Variants in SNX31 observed in about 807,000 individuals in gnomAD.
SNX31 encodes sorting nexin-31.
In SNX31, 58 loss-of-function variants were observed where a neutral mutation model predicts 65.4. That is an observed-to-expected ratio of 0.89 (90% confidence interval 0.72 to 1.10). SNX31 has a LOEUF of 1.10. SNX31 is among the 50% of genes least tolerant of loss of function. The pLI, the probability that SNX31 is intolerant of heterozygous loss-of-function variation, is 0.00. For synonymous variants in SNX31, 181 were observed against 190.1 expected (o/e 0.95, Z 0.39); for missense variants, 523 against 529.7 (o/e 0.99, Z 0.12).
At chr8:100,644,515 AG>A (rs1041136916) in intron 2 of SNX31, among the ~76,000 whole-genome samples, 7 of 152,212 alleles carry the variant, frequency 4.6e-5, no homozygotes, top group Admixed American at 3.9e-4. Flanking sequence ...CAGGAAGATG[AG>A]CAGCACTGAG....
chr8:100,639,376 G>T (rs903812418), intron 2 of SNX31, among the ~76,000 whole-genome samples: 1 of 152,168 alleles, frequency 6.6e-6, no homozygotes. Context: ...TAAAGGCAAA[G>T]AAACTAACTG....
intron 4 of SNX31, among the ~76,000 whole-genome samples, chr8:100,628,567 A>G (rs1330107471): frequency 6.6e-6 from 1 of 151,152 alleles, no homozygotes; most frequent in African/African-American, 2.4e-5. Flanking sequence ...AGGAAGGGGA[A>G]CATCACACAC....
In SNX31 at chr8:100,581,986, T is replaced by C. The variant is rs180759693; in HGVS notation, c.1170+2125A>G. Among the ~76,000 whole-genome samples the C allele has an allele frequency of 3.4e-3, 518 of 152,284 alleles. 3 individuals carry two copies. The highest frequency in any genetic ancestry group is 0.012 in the African/African-American group (497 of 41,554). On this transcript the variant is annotated intron_variant, in intron 12 of 13. Coordinates refer to ENST00000311812, the MANE Select transcript of SNX31 (RefSeq NM_152628.4). ...TACAAAATCCTCTTGGAAACCCAAT[T>C]TTCAAAATGAAAGGTCTGAACTTTT... is the stretch of plus-strand genomic sequence containing the variant.
intron 3 of SNX31, among the ~76,000 whole-genome samples, chr8:100,631,223 C>G (rs1818391135): frequency 1.3e-5 from 2 of 152,054 alleles, no homozygotes; most frequent in Non-Finnish European, 2.9e-5. Context: ...TTTAAAGCTC[C>G]TGACACAAAT....
chr8:100,575,051 A>G lies in SNX31; in HGVS notation c.1228-1091T>C, dbSNP rs2130749713. Among the ~76,000 whole-genome samples, 1 of 152,340 alleles carries G rather than the reference A, an allele frequency of 6.6e-6. No homozygotes were observed. Among genetic ancestry groups the G allele is most frequent in the African/African-American group, 2.4e-5 (1 of 41,586 alleles). On this transcript the variant is annotated intron_variant, in intron 13 of 13. Coordinates refer to ENST00000311812, the MANE Select transcript of SNX31 (RefSeq NM_152628.4). The surrounding 1 kb of genome is among the most constrained non-coding windows in gnomAD (Gnocchi z 5.1). ...TGAAATCTCAAAGACACGGTTATGG[A>G]AAGTGGAAAGTGAAAAAAAAAATGT...
At chr8:100,638,210 C>CA (rs1334314044) in intron 2 of SNX31, among the ~76,000 whole-genome samples, 1 of 152,194 alleles carries the variant, frequency 6.6e-6, no homozygotes, top group African/African-American at 2.4e-5. Context: ...AAATCATCCT[C>CA]AACTTCTCAT....
chr8:100,623,336 T>C (rs781636910), intron 4 of SNX31, among the ~76,000 whole-genome samples: 1 of 152,194 alleles, frequency 6.6e-6, no homozygotes, highest in African/African-American at 2.4e-5. Flanking sequence ...AAACCTCCCA[T>C]GATCCAATCA....
intron 3 of SNX31, among the ~76,000 whole-genome samples, chr8:100,631,761 C>A (rs1411808685): frequency 6.6e-6 from 1 of 152,144 alleles, no homozygotes; most frequent in African/African-American, 2.4e-5. Flanking sequence ...AGCATTCTGT[C>A]TTTTCTGAGG....
chr8:100,609,136 AC>A lies in SNX31; in HGVS notation c.612-574del, dbSNP rs1286099613. 1.7e-4 allele frequency among the ~76,000 whole-genome samples: 26 copies of A among 151,908 alleles called. No homozygotes were observed. In the South Asian group the frequency reaches 5.4e-3, roughly 32 times the overall value. On this transcript the variant is annotated intron_variant, in intron 7 of 13. Coordinates refer to ENST00000311812, the MANE Select transcript of SNX31 (RefSeq NM_152628.4). The surrounding 1 kb of genome is among the most constrained non-coding windows in gnomAD (Gnocchi z 4.9). ...CACTTTCAAGGCCCTTCCGGGGACC[AC>A]CCCCACTTTCATTTCCAGTTCCATC... is the stretch of plus-strand genomic sequence containing the variant.
At chr8:100,655,756 C>A (rs560324913) in intron 1 of SNX31, among the ~76,000 whole-genome samples, 2 of 152,100 alleles carry the variant, frequency 1.3e-5, no homozygotes, top group African/African-American at 4.8e-5. Context: ...GGGAGGCAGC[C>A]TGATCTTTTG....
Position 100,599,448 on chromosome 8 carries a change from CT to C in SNX31, c.774+900del, listed in dbSNP as rs568047251. 7.0e-3 allele frequency among the ~76,000 whole-genome samples: 986 copies of C among 141,192 alleles called. 1 individual carries two copies. The highest frequency in any genetic ancestry group is 0.013 in the African/African-American group (516 of 38,708). 92.6% of individuals were successfully genotyped at this position (141,192 alleles called of 152,430 possible). A position where few individuals can be genotyped will look rare whatever the true frequency, so the allele number is the denominator to read the frequency against. ...TACAAACACACAGAGAAACTGAACT[CT>C]TTTTTTTTTTTTTGTGACAAAGCTG... On this transcript the variant is annotated intron_variant, in intron 9 of 13. Coordinates refer to ENST00000311812, the MANE Select transcript of SNX31 (RefSeq NM_152628.4).
intron 12 of SNX31, among the ~76,000 whole-genome samples, chr8:100,580,833 G>A (rs1184092552): frequency 1.3e-5 from 2 of 152,104 alleles, no homozygotes; most frequent in Non-Finnish European, 2.9e-5. Flanking sequence ...ATTACATGCA[G>A]CAAAACCTAA....
Position 100,630,285 on chromosome 8 carries a change from C to T in SNX31, c.321+42G>A, listed in dbSNP as rs769988767. ...GCACACTTGGTTCATGAAGAGTGTCCTGCAGAGGAATGATGGCCCCATTAA... is the reference window on the plus strand; with the variant it reads ...GCACACTTGGTTCATGAAGAGTGTCTTGCAGAGGAATGATGGCCCCATTAA... On this transcript the variant is annotated intron_variant, in intron 4 of 13. Coordinates refer to ENST00000311812, the MANE Select transcript of SNX31 (RefSeq NM_152628.4). This position sits in a 1 kb window ranked among gnomAD's most constrained non-coding sequence, Gnocchi z 5.3. 6 of 1,593,816 alleles carry T rather than the reference C, an allele frequency of 3.8e-6. No homozygotes were observed. Among genetic ancestry groups the T allele is most frequent in the Non-Finnish European group, 5.2e-6 (6 of 1,162,300 alleles).
intron 12 of SNX31, among the ~76,000 whole-genome samples, chr8:100,580,306 G>A (rs987179809): frequency 1.3e-4 from 19 of 151,930 alleles, no homozygotes; most frequent in African/African-American, 4.6e-4. Context: ...CACATCTATT[G>A]CATAAAATAC....
Position 100,576,597 on chromosome 8 carries a change from C to G in SNX31, c.1227+422G>C, listed in dbSNP as rs146286851. The stretch of plus-strand genomic sequence containing the variant: ...AAAATGTCATTGATTGTGATTTTTT[C>G]TATTATTATCTGCACAGCAGATCTA... On this transcript the variant is annotated intron_variant, in intron 13 of 13. Coordinates refer to ENST00000311812, the MANE Select transcript of SNX31 (RefSeq NM_152628.4). This position sits in a 1 kb window ranked among gnomAD's most constrained non-coding sequence, Gnocchi z 4.8. Among the ~76,000 whole-genome samples the G allele has an allele frequency of 3.9e-3, 592 of 152,196 alleles. 5 individuals carry two copies. Among genetic ancestry groups the G allele is most frequent in the South Asian group, 0.016 (79 of 4,816 alleles).
chr8:100,617,161 T>C (rs1817281841), intron 5 of SNX31, among the ~76,000 whole-genome samples: 1 of 152,164 alleles, frequency 6.6e-6, no homozygotes, highest in Non-Finnish European at 1.5e-5. Flanking sequence ...GAATTAGCCC[T>C]GATGGAGCAC....
intron 2 of SNX31, among the ~76,000 whole-genome samples, chr8:100,641,249 C>A (rs1416600634): frequency 3.3e-5 from 5 of 151,936 alleles, no homozygotes; most frequent in African/African-American, 1.2e-4. Flanking sequence ...ATTTAAAGTA[C>A]CTGCCAGTTG....
At position 100,609,059 on chromosome 8, in the gene SNX31, T is replaced by C. The variant is rs1330105926; in HGVS notation, c.612-496A>G. Among the ~76,000 whole-genome samples the C allele has an allele frequency of 6.6e-6, 1 of 152,222 alleles. No homozygotes were observed. The highest frequency in any genetic ancestry group is 1.5e-5 in the Non-Finnish European group (1 of 68,038). On this transcript the variant is annotated intron_variant, in intron 7 of 13. Coordinates refer to ENST00000311812, the MANE Select transcript of SNX31 (RefSeq NM_152628.4). The surrounding 1 kb of genome is among the most constrained non-coding windows in gnomAD (Gnocchi z 4.9). ...ACATTCTAACCAGAGTGGTCTTTCC[T>C]GTGAAACTTTTCAGACTCTCATTGT...
chr8:100,611,018 C>T (rs1054630597), intron 7 of SNX31, among the ~76,000 whole-genome samples: 30 of 152,224 alleles, frequency 2.0e-4, no homozygotes, highest in Non-Finnish European at 3.8e-4. Flanking sequence ...TGCTGCTCAG[C>T]GCTATTTTCT....
Sources: gnomAD v4.1 joint callset for allele counts (sites outside exome capture counted in the v4.1 genomes callset) on GRCh38, gnomAD v4.1.1 for gene constraint, Gnocchi (gnomAD v3.1) non-coding constraint, MANE v1.5 for transcripts, NCBI Gene and HGNC (gene_info 2026-07-23, HGNC 2026-07-21) for gene names.